The following TPCN1 variants were observed in gnomAD, a reference collection of about 807,000 sequenced individuals.
TPCN1 encodes two pore channel protein 1.
Under a neutral mutation model 108.8 loss-of-function variants are expected in TPCN1, and 52 were observed. The ratio of observed to expected loss-of-function variants is 0.48; its 90% CI spans 0.38 to 0.60. TPCN1 has a LOEUF of 0.60. Ranked by LOEUF, TPCN1 falls within the 20% of genes least tolerant of loss-of-function variation. TPCN1 has a pLI of 0.00. For synonymous variants in TPCN1, 446 were observed against 433.7 expected (o/e 1.03, Z -0.35); for missense variants, 806 against 1,072.8 (o/e 0.75, Z 3.47).
rs1474769780 is a variant in TPCN1 at position 113,263,059 on chromosome 12, T to C, written c.237+2567T>C. On this transcript the variant is annotated intron_variant, in intron 3 of 27. Transcript: ENST00000335509. ...TAAATTGATGTCATACAGCAGCATG[T>C]GCATGTGGGTATGTATGTGTACAGA... Among the ~76,000 whole-genome samples, 4 of 152,306 alleles carry C rather than the reference T, an allele frequency of 2.6e-5. No individual in the cohort carries two copies. The East Asian group carries it at 7.7e-4, about 29-fold the overall frequency.
chr12:113,226,668 TC>T (rs1361740240), intron 1 of TPCN1, 59 bp from the exon 2 acceptor site: 2 of 1,282,544 alleles, frequency 1.6e-6, no homozygotes, highest in African/African-American at 3.0e-5. Context: ...CAGAATAGAT[TC>T]ATCAGTCATG....
chr12:113,254,711 G>A (rs928262955), intron 2 of TPCN1, among the ~76,000 whole-genome samples: 1 of 152,232 alleles, frequency 6.6e-6, no homozygotes, highest in Non-Finnish European at 1.5e-5. Flanking sequence ...TCCAGTGAAC[G>A]TTTTCTTTGA....
intron 19 of TPCN1, 166 bp downstream of exon 19, chr12:113,287,260 G>A: frequency 1.6e-6 from 1 of 618,808 alleles, no homozygotes; most frequent in Non-Finnish European, 2.8e-6. Context: ...CCACCCCTGA[G>A]GGTGTGCAGG....
intron 3 of TPCN1, among the ~76,000 whole-genome samples, chr12:113,263,117 T>C (rs1955105608): frequency 6.6e-6 from 1 of 152,208 alleles, no homozygotes; most frequent in African/African-American, 2.4e-5. Context: ...TGTTTAAATA[T>C]TAAAGGTGAT....
chr12:113,226,630 T>G, intron 1 of TPCN1, 98 bp from the exon 2 acceptor site: 3 of 997,144 alleles, frequency 3.0e-6, no homozygotes, highest in African/African-American at 1.6e-5. Flanking sequence ...ATTCACGAGG[T>G]TGTGCAACCA....
In TPCN1 at chr12:113,288,071, A is replaced by G. The variant is rs2136742968; in HGVS notation, c.1635-92A>G. The G allele has an allele frequency of 1.6e-6, 2 of 1,272,708 alleles. No homozygotes were observed. Among genetic ancestry groups the G allele is most frequent in the Middle Eastern group, 2.6e-4 (1 of 3,888 alleles). The allele number at this position is 1,272,708 out of a possible 1,614,324, so 78.8% of individuals were successfully genotyped here. A position where few individuals can be genotyped will look rare whatever the true frequency, so the allele number is the denominator to read the frequency against. On this transcript the variant is annotated intron_variant, in intron 19 of 27. Transcript: ENST00000335509. This position sits in a 1 kb window ranked among gnomAD's most constrained non-coding sequence, Gnocchi z 4.8. ...AGAGGCCCTCACCTGTCTTCACCGC[A>G]TGGCGTGTGGAAGGCGGGGCCGGCA...
intron 19 of TPCN1, chr12:113,287,444 T>C: frequency 4.2e-6 from 1 of 238,558 alleles, no homozygotes; most frequent in Admixed American, 5.5e-5. Flanking sequence ...TCAGGGGCCC[T>C]GCGTGCTTTT....
intron 27 of TPCN1, among the ~76,000 whole-genome samples, chr12:113,295,725 G>A (rs904648373): frequency 6.6e-6 from 1 of 152,164 alleles, no homozygotes; most frequent in Non-Finnish European, 1.5e-5. Flanking sequence ...TTAGAGAGCT[G>A]TTATGCGCAA....
At position 113,273,702 on chromosome 12, in the gene TPCN1, G is replaced by A. The variant is rs773290818; in HGVS notation, c.942+34G>A. 1 of 1,536,542 alleles carries A rather than the reference G, an allele frequency of 6.5e-7. No individual in the cohort carries two copies. On this transcript the variant is annotated intron_variant, in intron 10 of 27. Transcript: ENST00000335509. This position sits in a 1 kb window ranked among gnomAD's most constrained non-coding sequence, Gnocchi z 4.0. ...CTATGCCTCAGGCTACGCTGAAGCA[G>A]CCTGCCCCTACCCATGCAGCACTAG... is the stretch of plus-strand genomic sequence containing the variant.
chr12:113,285,833 C>T (rs943973872), intron 17 of TPCN1, 56 bp from the exon 18 acceptor site: 23 of 1,488,992 alleles, frequency 1.5e-5, no homozygotes, highest in South Asian at 4.5e-5. Flanking sequence ...AAGAGGAGAC[C>T]GAGCATGGGG....
intron 2 of TPCN1, among the ~76,000 whole-genome samples, chr12:113,255,746 T>C (rs7957817): frequency 0.033 from 4,929 of 151,174 alleles, 229 homozygotes; most frequent in East Asian, 0.15. Context: ...CCCAGGGTGG[T>C]CTCGAACTCC....
At position 113,296,158 on chromosome 12, in the gene TPCN1, A is replaced by G; in HGVS notation, c.*82A>G. ...CGATGTACGGAACTGCGGTGTGTGT[A>G]CACATACTCACGTATATGCACATAT... On this transcript the variant is annotated 3_prime_UTR_variant, in exon 28 of 28. Transcript: ENST00000335509. The G allele has an allele frequency of 5.8e-6, 9 of 1,548,496 alleles. No individual in the cohort carries two copies. Among genetic ancestry groups the G allele is most frequent in the Middle Eastern group, 3.5e-4 (2 of 5,696 alleles).
chr12:113,249,351 C>T (rs999063775), intron 2 of TPCN1: 1 of 152,268 alleles, frequency 6.6e-6, no homozygotes, highest in Admixed American at 6.5e-5. Flanking sequence ...TCAGCGGAGC[C>T]ACCCCCTACA....
chr12:113,237,355 ACTT>A (rs1953934942), intron 2 of TPCN1, among the ~76,000 whole-genome samples: 2 of 147,552 alleles, frequency 1.4e-5, no homozygotes, highest in Non-Finnish European at 3.0e-5. Flanking sequence ...CTCAGTTCCT[ACTT>A]CTTTTTTTTT....
At chr12:113,294,661 T>G (rs1028655376) in intron 27 of TPCN1, among the ~76,000 whole-genome samples, 5 of 152,042 alleles carry the variant, frequency 3.3e-5, no homozygotes, top group Non-Finnish European at 7.4e-5. Flanking sequence ...CAGATGTTTT[T>G]CTTTTTTTGC....
chr12:113,241,356 A>C (rs1333534282), intron 2 of TPCN1, among the ~76,000 whole-genome samples: 1 of 125,860 alleles, frequency 7.9e-6, no homozygotes, highest in Admixed American at 7.7e-5. Context: ...AGCCACCTGC[A>C]GCAGCAGCAG....
chr12:113,285,677 G>T (rs1166611813), intron 17 of TPCN1, among the ~76,000 whole-genome samples: 2 of 152,244 alleles, frequency 1.3e-5, no homozygotes, highest in Non-Finnish European at 2.9e-5. Context: ...TGCCTGGCCA[G>T]TTTCTCTTAA....
intron 2 of TPCN1, among the ~76,000 whole-genome samples, chr12:113,258,637 C>T (rs921522489): frequency 6.6e-6 from 1 of 152,054 alleles, no homozygotes; most frequent in African/African-American, 2.4e-5. Flanking sequence ...AAAAATTAGC[C>T]AGGCGTGATG....
intron 3 of TPCN1, among the ~76,000 whole-genome samples, chr12:113,265,227 G>A (rs1467316010): frequency 6.6e-6 from 1 of 152,214 alleles, no homozygotes; most frequent in African/African-American, 2.4e-5. Flanking sequence ...GCAAATACCT[G>A]TAGTGAGCTG....
Sources: allele counts gnomAD v4.1 joint callset (sites outside exome capture counted in the v4.1 genomes callset), GRCh38; gene constraint gnomAD v4.1.1; non-coding constraint Gnocchi (gnomAD v3.1); transcripts MANE v1.5; gene names NCBI Gene and HGNC (gene_info 2026-07-23, HGNC 2026-07-21).